Variants in ARID4A observed in about 807,000 individuals in gnomAD.
ARID4A encodes AT-rich interaction domain 4A, also known as AT-rich interactive domain-containing protein 4A.
In ARID4A, 39 loss-of-function variants were observed where a neutral mutation model predicts 148.6. The ratio of observed to expected loss-of-function variants is 0.26; its 90% confidence interval spans 0.20 to 0.34. ARID4A has a LOEUF of 0.34. Ranked by LOEUF, ARID4A falls within the 10% of genes least tolerant of loss-of-function variation. The pLI, the probability that ARID4A is intolerant of heterozygous loss-of-function variation, is 1.00. For missense variants in ARID4A, 1,265 were observed against 1,449.1 expected, an observed-to-expected ratio of 0.87 and a Z score of 2.06; for synonymous variants, 475 against 481.2, an observed-to-expected ratio of 0.99 and a Z score of 0.17.
At position 58,365,060 on chromosome 14, in the gene ARID4A, A is replaced by G. The variant is rs764415860; in HGVS notation, c.2971A>G (p.Ile991Val). The change falls in exon 20 of 24, where the codon ATT becomes GTT. Residue 991 changes from isoleucine (I) to valine (V), a missense_variant. Physicochemically the swap from Ile to Val is conservative, Grantham distance 29. Coordinates refer to ENST00000355431, the MANE Select transcript of ARID4A (RefSeq NM_002892.4). ...ESSESNSLVSIPPALPPVVQH... is the reference protein window; with the variant it reads ...ESSESNSLVSVPPALPPVVQH... ...CTCTGAGTCTAACTCTCTTGTTTCT[A>G]TTCCACCTGCCCTACCTCCTGTAGT... is the stretch of plus-strand genomic sequence containing the variant. The G allele has an allele frequency of 1.9e-6, 3 of 1,614,022 alleles. No individual in the cohort carries two copies. Among genetic ancestry groups the G allele is most frequent in the East Asian group, 2.2e-5 (1 of 44,894 alleles).
chr14:58,332,685 C>G (rs188428454), intron 11 of ARID4A, among the ~76,000 whole-genome samples: 4 of 152,132 alleles, frequency 2.6e-5, no homozygotes, highest in African/African-American at 9.7e-5. Context: ...GCCTACCTGG[C>G]TTAGTCATTA....
intron 10 of ARID4A, 150 bp downstream of exon 10, chr14:58,329,754 T>TA (rs2140190799): frequency 1.0e-6 from 1 of 957,446 alleles, no homozygotes; most frequent in African/African-American, 1.7e-5. Flanking sequence ...AATGTCTAGA[T>TA]ACAATATTTG....
chr14:58,352,070 A>G (rs948098581), intron 16 of ARID4A, among the ~76,000 whole-genome samples: 39 of 152,226 alleles, frequency 2.6e-4, no homozygotes, highest in African/African-American at 9.4e-4. Flanking sequence ...AATGAGCAAC[A>G]ACATAACATA....
chr14:58,319,521 C>CTTTTTTTTTTTTTTTT (rs71107934), intron 7 of ARID4A, among the ~76,000 whole-genome samples: 1 of 62,040 alleles, frequency 1.6e-5, no homozygotes, highest in African/African-American at 6.6e-5. Flanking sequence ...TCTATATACT[C>CTTTTTTTTTTTTTTTT]TTTTTTTTTT....
At chr14:58,349,167 A>T (rs1269656448) in intron 15 of ARID4A, among the ~76,000 whole-genome samples, 1 of 152,184 alleles carries the variant, frequency 6.6e-6, no homozygotes, top group African/African-American at 2.4e-5. Context: ...ATTATGTTGT[A>T]GCACATATCA....
chr14:58,355,942 T>C (rs999065277), intron 17 of ARID4A, among the ~76,000 whole-genome samples: 3 of 152,196 alleles, frequency 2.0e-5, no homozygotes, highest in African/African-American at 7.2e-5. Flanking sequence ...ATTAGTCATC[T>C]CTCTAATTAA....
Position 58,372,602 on chromosome 14 carries a change from T to A in ARID4A, c.*613T>A, listed in dbSNP as rs974342909. 5 of 203,360 alleles carry A rather than the reference T, an allele frequency of 2.5e-5. No homozygotes were observed. Among genetic ancestry groups the A allele is most frequent in the Non-Finnish European group, 4.0e-5 (4 of 98,916 alleles). 12.6% of individuals were successfully genotyped at this position (203,360 alleles called of 1,614,324 possible). ...CAGTTGTAATAAGTCTTCCACTTTT[T>A]ATAGGATTTTTGAGCACAAAATTAT... On this transcript the variant is annotated 3_prime_UTR_variant, in exon 24 of 24. Coordinates refer to ENST00000355431, the MANE Select transcript of ARID4A (RefSeq NM_002892.4).
At chr14:58,299,769 T>C in intron 1 of ARID4A, 29 bp from the exon 2 acceptor site, 1 of 1,588,226 alleles carries the variant, frequency 6.3e-7, no homozygotes, top group Non-Finnish European at 8.6e-7. Flanking sequence ...ACTGATTATG[T>C]CTGTGCCTGT....
intron 5 of ARID4A, among the ~76,000 whole-genome samples, chr14:58,311,778 A>G (rs1373235604): frequency 6.6e-6 from 1 of 152,214 alleles, no homozygotes; most frequent in Admixed American, 6.5e-5. Flanking sequence ...AAATCCTGAC[A>G]TTTCTTACAA....
chr14:58,333,442 GTA>G (rs1286680683), intron 11 of ARID4A, among the ~76,000 whole-genome samples: 1 of 152,034 alleles, frequency 6.6e-6, no homozygotes, highest in Non-Finnish European at 1.5e-5. Flanking sequence ...GAAAACTTGA[GTA>G]TTAAGGGGAA....
At chr14:58,309,567 T>TA (rs1466935630) in intron 5 of ARID4A, among the ~76,000 whole-genome samples, 3 of 152,244 alleles carry the variant, frequency 2.0e-5, no homozygotes, top group Non-Finnish European at 4.4e-5. Flanking sequence ...AGTTAAATGT[T>TA]ACCACTAACT....
intron 15 of ARID4A, 25 bp downstream of exon 15, chr14:58,347,903 C>A: frequency 6.6e-7 from 1 of 1,521,180 alleles, no homozygotes; most frequent in Non-Finnish European, 9.0e-7. Flanking sequence ...CTAGTTTTAT[C>A]TGGTTTAAGT....
At chr14:58,357,518 C>T (rs1173833961) in intron 17 of ARID4A, among the ~76,000 whole-genome samples, 1 of 152,048 alleles carries the variant, frequency 6.6e-6, no homozygotes, top group African/African-American at 2.4e-5. Flanking sequence ...AACCTGTGGC[C>T]CACAAGCCAT....
At position 58,324,469 on chromosome 14, in the gene ARID4A, A is replaced by ATGTATGTTT. The variant is rs1231029281; in HGVS notation, c.582+856_582+857insTGTTTTGTA. On this transcript the variant is annotated intron_variant, in intron 8 of 23. Transcript: ENST00000355431. ...TTTTTATTTTTTATTTTTTGTAGACATGTAGCCTCATGATGTTTCCAGGCC... is the reference window on the plus strand; with the variant it reads ...TTTTTATTTTTTATTTTTTGTAGACATGTATGTTTTGTAGCCTCATGATGTTTCCAGGCC... Among the ~76,000 whole-genome samples, 72 of 152,156 alleles carry ATGTATGTTT rather than the reference A, an allele frequency of 4.7e-4. No homozygotes were observed. The Middle Eastern group carries it at 0.041, about 86-fold the overall frequency.
At chr14:58,348,438 G>T (rs1307167861) in intron 15 of ARID4A, among the ~76,000 whole-genome samples, 1 of 152,180 alleles carries the variant, frequency 6.6e-6, no homozygotes, top group Non-Finnish European at 1.5e-5. Context: ...TATAGTGCCT[G>T]TGCCCTAAAC....
Position 58,365,637 on chromosome 14 carries a change from A to T in ARID4A, c.3316+15A>T, listed in dbSNP as rs202109788. 6.2e-7 allele frequency: 1 copy of T among 1,604,262 alleles called. No individual in the cohort carries two copies. The highest frequency in any genetic ancestry group is 8.5e-7 in the Non-Finnish European group (1 of 1,172,354). On this transcript the variant is annotated intron_variant, in intron 21 of 23. Coordinates refer to ENST00000355431, the MANE Select transcript of ARID4A (RefSeq NM_002892.4). ...GAATGGAACAGGTTGGTGTCTTTCAATGCTAGCTTTTGTATAGTGTTAGTA... is the reference window on the plus strand; with the variant it reads ...GAATGGAACAGGTTGGTGTCTTTCATTGCTAGCTTTTGTATAGTGTTAGTA...
intron 17 of ARID4A, among the ~76,000 whole-genome samples, chr14:58,356,999 T>C (rs1023282934): frequency 5.3e-5 from 8 of 152,124 alleles, no homozygotes; most frequent in African/African-American, 1.9e-4. Flanking sequence ...GCGCCCGGCC[T>C]AAATTTGGAT....
chr14:58,362,497 G>A (rs1341342958), intron 19 of ARID4A, among the ~76,000 whole-genome samples: 1 of 151,852 alleles, frequency 6.6e-6, no homozygotes, highest in Non-Finnish European at 1.5e-5. Context: ...GGCTGAGGTG[G>A]GAGGATTGCT....
intron 2 of ARID4A, 106 bp downstream of exon 2, chr14:58,299,966 T>C (rs2030998736): frequency 2.7e-6 from 4 of 1,498,184 alleles, no homozygotes; most frequent in South Asian, 1.1e-5. Flanking sequence ...TTGATGTTCC[T>C]ACTGATCAGC....
Sources: gnomAD v4.1 joint callset for allele counts (sites outside exome capture counted in the v4.1 genomes callset) on GRCh38, gnomAD v4.1.1 for gene constraint, MANE v1.5 for transcripts, NCBI Gene and HGNC (gene_info 2026-07-23, HGNC 2026-07-21) for gene names.